The following COPS4 variants were observed in gnomAD, a reference collection of about 807,000 sequenced individuals.
The protein encoded by COPS4 is COP9 signalosome subunit 4.
Under a neutral mutation model 55.1 loss-of-function variants are expected in COPS4, and 8 were observed. The ratio of observed to expected loss-of-function variants is 0.15; its 90% CI spans 0.09 to 0.26. COPS4 has a LOEUF of 0.26. COPS4 is among the 10% of genes least tolerant of loss of function. The probability of loss-of-function intolerance (pLI) is 1.00; values close to 1 mark genes in which losing one functional copy is unlikely to be tolerated. For missense variants in COPS4, 248 were observed against 484.0 expected, an observed-to-expected ratio of 0.51 and a Z score of 4.58; for synonymous variants, 185 against 165.7, an observed-to-expected ratio of 1.12 and a Z score of -0.90.
In COPS4 at chr4:83,075,569, T is replaced by C; in HGVS notation, c.*139T>C. The C allele has an allele frequency of 1.1e-6, 1 of 908,446 alleles. No homozygotes were observed. The highest frequency in any genetic ancestry group is 2.6e-5 in the East Asian group (1 of 37,854). 56.3% of individuals were successfully genotyped at this position (908,446 alleles called of 1,614,324 possible). A position where few individuals can be genotyped will look rare whatever the true frequency, so the allele number is the denominator to read the frequency against. On this transcript the variant is annotated 3_prime_UTR_variant, in exon 10 of 10. Coordinates refer to ENST00000264389, the MANE Select transcript of COPS4 (RefSeq NM_016129.3). ...GGATTCCGTTTAAAGAAGACATTAT[T>C]AGAGCAGGAAGTACAAGCATTTAAA...
intron 8 of COPS4, among the ~76,000 whole-genome samples, chr4:83,067,020 G>T (rs960788218): frequency 6.6e-6 from 1 of 151,944 alleles, no homozygotes; most frequent in Non-Finnish European, 1.5e-5. Context: ...GTTATGGGTC[G>T]CATCCCTTTT....
At chr4:83,050,143 G>A (rs1174131774) in intron 4 of COPS4, among the ~76,000 whole-genome samples, 159 bp downstream of exon 4, 1 of 152,096 alleles carries the variant, frequency 6.6e-6, no homozygotes, top group Non-Finnish European at 1.5e-5. Context: ...AAAAGTAATG[G>A]GGCAAAGCGG....
Position 83,035,216 on chromosome 4 carries a change from G to A in COPS4, c.-9G>A. The A allele has an allele frequency of 6.4e-7, 1 of 1,561,252 alleles. No homozygotes were observed. The highest frequency in any genetic ancestry group is 8.7e-7 in the Non-Finnish European group (1 of 1,146,422). ...AGGCCCCCGCATCCACCGCTGAGCT[G>A]GGAGAAAGATGGCGGCAGCCGTGCG... is the stretch of plus-strand genomic sequence containing the variant. On this transcript the variant is annotated 5_prime_UTR_variant, in exon 1 of 10. Coordinates refer to ENST00000264389, the MANE Select transcript of COPS4 (RefSeq NM_016129.3).
chr4:83,035,198 C>A lies in COPS4; in HGVS notation c.-27C>A. ...TTTCTTTTTGGCTGCCAGAGGCCCCCGCATCCACCGCTGAGCTGGGAGAAA... is the reference window on the plus strand; with the variant it reads ...TTTCTTTTTGGCTGCCAGAGGCCCCAGCATCCACCGCTGAGCTGGGAGAAA... On this transcript the variant is annotated 5_prime_UTR_variant, in exon 1 of 10. Coordinates refer to ENST00000264389, the MANE Select transcript of COPS4 (RefSeq NM_016129.3). 6.5e-7 allele frequency: 1 copy of A among 1,539,078 alleles called. No homozygotes were observed. Among genetic ancestry groups the A allele is most frequent in the Non-Finnish European group, 8.8e-7 (1 of 1,131,836 alleles).
At chr4:83,067,139 C>T (rs986992229) in intron 8 of COPS4, among the ~76,000 whole-genome samples, 54 of 151,636 alleles carry the variant, frequency 3.6e-4, no homozygotes, top group African/African-American at 1.2e-3. Flanking sequence ...GTGATCATAG[C>T]TTACTGCTGC....
intron 6 of COPS4, among the ~76,000 whole-genome samples, chr4:83,062,007 T>TA (rs1166054904): frequency 6.6e-6 from 1 of 152,226 alleles, no homozygotes; most frequent in African/African-American, 2.4e-5. Context: ...GGACAGTAGA[T>TA]ATGCTCATTG....
At position 83,066,460 on chromosome 4, in the gene COPS4, T is replaced by C; in HGVS notation, c.909T>C (p.Ala303=). The change falls in exon 8 of 10, where the codon GCT becomes GCC. Residue 303 remains alanine, a synonymous_variant. Coordinates refer to ENST00000264389, the MANE Select transcript of COPS4 (RefSeq NM_016129.3). Reference sequence around the variant, plus strand: ...AAGGTTCCAGCATCTTGGACAGAGCTGTTATTGAACACAATTTGTTGTCTG... The same window carrying C: ...AAGGTTCCAGCATCTTGGACAGAGCCGTTATTGAACACAATTTGTTGTCTG... ...TADGSSILDR[A]VIEHNLLSAS... is the part of the protein sequence containing the mutation. The C allele has an allele frequency of 6.3e-7, 1 of 1,583,102 alleles. No individual in the cohort carries two copies. The highest frequency in any genetic ancestry group is 1.2e-5 in the South Asian group (1 of 85,352).
At chr4:83,070,660 T>C (rs148281760) in intron 9 of COPS4, among the ~76,000 whole-genome samples, 1 of 152,306 alleles carries the variant, frequency 6.6e-6, no homozygotes, top group Non-Finnish European at 1.5e-5. Context: ...CCTACTATTA[T>C]AACCTCTTCA....
chr4:83,045,820 T>C (rs113333318), intron 2 of COPS4, 115 bp downstream of exon 2: 15 of 616,606 alleles, frequency 2.4e-5, no homozygotes, highest in African/African-American at 1.8e-4. Context: ...TGAGATTGAT[T>C]GATTTTAGAA....
intron 1 of COPS4, among the ~76,000 whole-genome samples, chr4:83,045,396 A>G (rs984565409): frequency 3.9e-5 from 6 of 152,174 alleles, no homozygotes; most frequent in Admixed American, 3.9e-4. Context: ...AAATTCTGGT[A>G]TACTATACTG....
At chr4:83,059,748 G>A (rs1731109606) in intron 6 of COPS4, among the ~76,000 whole-genome samples, 1 of 151,688 alleles carries the variant, frequency 6.6e-6, no homozygotes, top group Non-Finnish European at 1.5e-5. Flanking sequence ...CCAGGCTGGA[G>A]TGCAGTGGCG....
chr4:83,054,539 A>G (rs1180310552), intron 4 of COPS4, among the ~76,000 whole-genome samples: 1 of 152,138 alleles, frequency 6.6e-6, no homozygotes, highest in African/African-American at 2.4e-5. Flanking sequence ...AAAAGCGGCC[A>G]GTTTGTAAAA....
chr4:83,044,066 A>G (rs1178570040), intron 1 of COPS4, among the ~76,000 whole-genome samples: 8 of 152,182 alleles, frequency 5.3e-5, no homozygotes, highest in Non-Finnish European at 1.5e-5. Context: ...ATTTTTGTAT[A>G]TTTATTTCGT....
intron 7 of COPS4, among the ~76,000 whole-genome samples, chr4:83,065,943 G>C (rs1731281872): frequency 6.6e-6 from 1 of 152,214 alleles, no homozygotes; most frequent in Non-Finnish European, 1.5e-5. Context: ...TCACTTGAGG[G>C]TAGGTGAGAA....
intron 4 of COPS4, among the ~76,000 whole-genome samples, chr4:83,051,254 T>C (rs1730882746): frequency 6.6e-6 from 1 of 152,064 alleles, no homozygotes; most frequent in African/African-American, 2.4e-5. Context: ...AAAATTTTTT[T>C]TTGTTTTAAA....
chr4:83,064,901 A>AT (rs1731257400), intron 7 of COPS4, among the ~76,000 whole-genome samples: 1 of 52,232 alleles, frequency 1.9e-5, no homozygotes. Context: ...TTTTTTTTTT[A>AT]CTTTTTGAGA....
At chr4:83,036,859 A>T (rs961933589) in intron 1 of COPS4, among the ~76,000 whole-genome samples, 1 of 152,214 alleles carries the variant, frequency 6.6e-6, no homozygotes, top group Middle Eastern at 3.2e-3. Context: ...TGCATTAGTT[A>T]TCAAAAGAAA....
intron 1 of COPS4, among the ~76,000 whole-genome samples, chr4:83,037,942 C>T (rs574025211): frequency 1.3e-5 from 2 of 152,334 alleles, no homozygotes; most frequent in East Asian, 3.9e-4. Context: ...TTGTTAAAAA[C>T]TCAGTTAGAA....
At chr4:83,055,153 AC>A (rs1478508457) in intron 4 of COPS4, among the ~76,000 whole-genome samples, 4 of 152,234 alleles carry the variant, frequency 2.6e-5, no homozygotes, top group Non-Finnish European at 5.9e-5. Flanking sequence ...ACATGGTGGC[AC>A]CACTTTTGCA....
Sources: allele counts gnomAD v4.1 joint callset (sites outside exome capture counted in the v4.1 genomes callset), GRCh38; gene constraint gnomAD v4.1.1; transcripts MANE v1.5; gene names NCBI Gene and HGNC (gene_info 2026-07-23, HGNC 2026-07-21).